Variants in LPCAT2 observed in about 807,000 individuals in gnomAD.
LPCAT2 encodes 1-AGP acyltransferase 11.
A neutral mutation model predicts 64.7 loss-of-function variants in LPCAT2; 58 were observed. The ratio of observed to expected loss-of-function variants is 0.90; its 90% confidence interval spans 0.73 to 1.12. The LOEUF is 1.12. Ranked by LOEUF, LPCAT2 falls within the 50% of genes most tolerant of loss-of-function variation. The pLI is 0.00. For missense variants in LPCAT2, 579 were observed against 669.8 expected (o/e 0.86, Z 1.50); for synonymous variants, 252 against 245.3 (o/e 1.03, Z -0.26).
intron 12 of LPCAT2, 106 bp downstream of exon 12, chr16:55,574,835 C>A: frequency 1.2e-6 from 1 of 814,432 alleles, no homozygotes; most frequent in Non-Finnish European, 2.1e-6. Flanking sequence ...TTTTATAGAT[C>A]TGCTGTGACA....
intron 11 of LPCAT2, among the ~76,000 whole-genome samples, chr16:55,571,164 C>A (rs1190592218): frequency 6.6e-6 from 1 of 152,084 alleles, no homozygotes; most frequent in African/African-American, 2.4e-5. Flanking sequence ...GTATCTAATT[C>A]CACATGAATA....
chr16:55,530,183 A>G (rs963910320), intron 4 of LPCAT2, among the ~76,000 whole-genome samples: 5 of 151,904 alleles, frequency 3.3e-5, no homozygotes, highest in African/African-American at 4.8e-5. Context: ...CTTTGAACCA[A>G]TTTTCTCTTT....
At chr16:55,576,885 G>A (rs1963833959) in intron 12 of LPCAT2, among the ~76,000 whole-genome samples, 1 of 152,136 alleles carries the variant, frequency 6.6e-6, no homozygotes, top group South Asian at 2.1e-4. Flanking sequence ...TATAGAGGAA[G>A]TAAAAGTCTT....
rs1963912592 is a variant in LPCAT2, at chr16:55,583,619, CTAAT to C, written c.*524_*527del. ...CTGAATATGGGAAGGGAGAGCTTCACTAATTAGACGCAGCTTCTTAAGAACTTAT... is the reference window on the plus strand; with the variant it reads ...CTGAATATGGGAAGGGAGAGCTTCACTAGACGCAGCTTCTTAAGAACTTAT... On this transcript the variant is annotated 3_prime_UTR_variant, in exon 14 of 14. Coordinates refer to ENST00000262134, the MANE Select transcript of LPCAT2 (RefSeq NM_017839.5). The C allele has an allele frequency of 6.5e-6, 1 of 152,752 alleles. No individual in the cohort carries two copies. Among genetic ancestry groups the C allele is most frequent in the Non-Finnish European group, 1.5e-5 (1 of 68,488 alleles). The allele number at this position is 152,752 out of a possible 1,614,324, so 9.5% of individuals were successfully genotyped here. A position where few individuals can be genotyped will look rare whatever the true frequency, so the allele number is the denominator to read the frequency against.
At chr16:55,525,455 C>A (rs1173318335) in intron 1 of LPCAT2, 53 bp from the exon 2 acceptor site, 9 of 1,507,552 alleles carry the variant, frequency 6.0e-6, no homozygotes, top group South Asian at 1.2e-5. Context: ...TGTTTGATAG[C>A]CATGAATTAA....
chr16:55,537,874 T>C (rs1367100777), intron 8 of LPCAT2, among the ~76,000 whole-genome samples: 3 of 152,234 alleles, frequency 2.0e-5, no homozygotes, highest in Non-Finnish European at 4.4e-5. Context: ...CTCTCATCTT[T>C]TTACTCCTTT....
chr16:55,532,767 T>C (rs1963270775), intron 5 of LPCAT2, 57 bp from the exon 6 acceptor site: 1 of 1,168,474 alleles, frequency 8.6e-7, no homozygotes, highest in African/African-American at 1.5e-5. Flanking sequence ...ATTTTCTCTT[T>C]ATCATAAAAC....
At chr16:55,537,554 T>C in intron 7 of LPCAT2, 24 bp from the exon 8 acceptor site, 1 of 1,591,414 alleles carries the variant, frequency 6.3e-7, no homozygotes, top group Non-Finnish European at 8.6e-7. Flanking sequence ...TGTATAAAGA[T>C]AGACTTTTCT....
intron 2 of LPCAT2, among the ~76,000 whole-genome samples, chr16:55,527,013 A>C (rs1963180144): frequency 6.6e-6 from 1 of 152,136 alleles, no homozygotes; most frequent in Non-Finnish European, 1.5e-5. Context: ...GAGGTGTGGA[A>C]ATTTGATAAA....
intron 1 of LPCAT2, among the ~76,000 whole-genome samples, chr16:55,522,001 G>C (rs1963103438): frequency 7.6e-6 from 1 of 132,216 alleles, no homozygotes; most frequent in African/African-American, 2.6e-5. Flanking sequence ...AGTGCAATAA[G>C]ATAAGAAAAA....
In LPCAT2 at chr16:55,549,122, A is replaced by G. The variant is rs376699765; in HGVS notation, c.936-155A>G. Among the ~76,000 whole-genome samples the G allele has an allele frequency of 4.6e-5, 7 of 152,328 alleles. No individual in the cohort carries two copies. The East Asian group carries it at 9.6e-4, about 21-fold the overall frequency. ...TAAGTCTGTGAAGAAATGGAGAAACATGTCTCTTTGTCAAGAAAAGCGAGA... is the reference window on the plus strand; with the variant it reads ...TAAGTCTGTGAAGAAATGGAGAAACGTGTCTCTTTGTCAAGAAAAGCGAGA... On this transcript the variant is annotated intron_variant, in intron 9 of 13. Transcript: ENST00000262134.
chr16:55,564,021 T>A (rs1963665069), intron 11 of LPCAT2, among the ~76,000 whole-genome samples: 1 of 151,760 alleles, frequency 6.6e-6, no homozygotes, highest in Non-Finnish European at 1.5e-5. Flanking sequence ...AGGATATGAA[T>A]CAACACACAA....
chr16:55,555,744 T>C (rs1159416793), intron 11 of LPCAT2, among the ~76,000 whole-genome samples: 3 of 152,228 alleles, frequency 2.0e-5, no homozygotes, highest in African/African-American at 7.2e-5. Flanking sequence ...TATGAAATAC[T>C]AATGTATGAC....
At chr16:55,564,600 C>T (rs531431191) in intron 11 of LPCAT2, among the ~76,000 whole-genome samples, 9 of 152,034 alleles carry the variant, frequency 5.9e-5, no homozygotes, top group South Asian at 4.2e-4. Flanking sequence ...GGGGAAAGGA[C>T]GGTCTTTTCA....
chr16:55,531,421 A>C (rs1440743816), intron 4 of LPCAT2, among the ~76,000 whole-genome samples: 3 of 152,210 alleles, frequency 2.0e-5, no homozygotes, highest in Non-Finnish European at 4.4e-5. Context: ...GTTGTATTCC[A>C]TATGTCAACT....
chr16:55,572,570 A>G (rs1963782010), intron 11 of LPCAT2, among the ~76,000 whole-genome samples: 1 of 152,132 alleles, frequency 6.6e-6, no homozygotes, highest in Non-Finnish European at 1.5e-5. Context: ...GAAGGAAATG[A>G]TTTCCTTTAA....
chr16:55,532,660 C>G, intron 5 of LPCAT2, 164 bp from the exon 6 acceptor site: 1 of 386,730 alleles, frequency 2.6e-6, no homozygotes, highest in South Asian at 5.8e-5. Flanking sequence ...AAAAAAAATC[C>G]CTCATTTTGG....
intron 4 of LPCAT2, 51 bp from the exon 5 acceptor site, chr16:55,531,863 G>C (rs373033804): frequency 5.4e-5 from 62 of 1,153,592 alleles, no homozygotes; most frequent in Non-Finnish European, 7.7e-5. Context: ...CGAGTAAAGA[G>C]GTAATTTATT....
At chr16:55,522,138 A>G (rs1213790212) in intron 1 of LPCAT2, among the ~76,000 whole-genome samples, 2 of 151,784 alleles carry the variant, frequency 1.3e-5, no homozygotes, top group East Asian at 3.8e-4. Context: ...TAATAAGTGA[A>G]CTTGGCCAGG....
Sources: allele counts gnomAD v4.1 joint callset (sites outside exome capture counted in the v4.1 genomes callset), GRCh38; gene constraint gnomAD v4.1.1; transcripts MANE v1.5; gene names NCBI Gene and HGNC (gene_info 2026-07-23, HGNC 2026-07-21).